The following GOLGA3 variants were observed in gnomAD, a reference collection of about 807,000 sequenced individuals.
The protein encoded by GOLGA3 is golgin A3.
A neutral mutation model predicts 169.4 loss-of-function variants in GOLGA3; 75 were observed. The ratio of observed to expected loss-of-function variants is 0.44; its 90% CI spans 0.37 to 0.54. The LOEUF (loss-of-function observed/expected upper bound fraction) is 0.54. Ranked by LOEUF, GOLGA3 falls within the 20% of genes least tolerant of loss-of-function variation. The pLI is 0.00. For synonymous variants in GOLGA3, 824 were observed against 822.4 expected, an observed-to-expected ratio of 1.00 and a Z score of -0.03; for missense variants, 1,899 against 1,930.0, an observed-to-expected ratio of 0.98 and a Z score of 0.30.
Position 132,807,918 on chromosome 12 carries a change from C to T in GOLGA3, c.1151G>A (p.Arg384Gln), listed in dbSNP as rs200701898. The change falls in exon 5 of 24, where the codon CGG becomes CAG. Residue 384 changes from arginine to glutamine, a missense_variant. Coordinates refer to ENST00000450791, the MANE Select transcript of GOLGA3 (RefSeq NM_001389683.1). ...DQGQEVNGEV[R>Q]SRRDSICSSV... ...GCTGCAGATGCTGTCTCTCCGACTC[C>T]GCACCTCCCCGTTGACCTCCTGCCC... 2.2e-4 allele frequency: 352 copies of T among 1,611,622 alleles called. 4 individuals carry two copies. The East Asian group carries it at 5.6e-3, about 26-fold the overall frequency.
rs185906771 is a variant in GOLGA3 at position 132,797,557 on chromosome 12, A to G, written c.1938+783T>C. ...GAGACCCCGTCTCTACTAAAAATAC[A>G]AAAAATTAGCAGGGTATGGTGACGA... On this transcript the variant is annotated intron_variant, in intron 9 of 23. Coordinates refer to ENST00000450791, the MANE Select transcript of GOLGA3 (RefSeq NM_001389683.1). 4.2e-3 allele frequency among the ~76,000 whole-genome samples: 640 copies of G among 152,288 alleles called. 2 individuals carry two copies. The highest frequency in any genetic ancestry group is 7.4e-3 in the Non-Finnish European group (505 of 68,026).
intron 4 of GOLGA3, among the ~76,000 whole-genome samples, chr12:132,812,808 A>C (rs1949782021): frequency 6.6e-6 from 1 of 152,256 alleles, no homozygotes; most frequent in South Asian, 2.1e-4. Context: ...AAATTACCAC[A>C]GCCCAACCTT....
chr12:132,789,101 G>C lies in GOLGA3; in HGVS notation c.2737C>G (p.Gln913Glu). Residue 913 changes from glutamine to glutamate, a missense_variant, in exon 13 of 24, where the codon CAG becomes GAG. By Grantham distance (29) the Gln-to-Glu change is conservative. Transcript: ENST00000450791. Reference protein sequence around the residue: ...RLHREVAQVRQHMADLEGHLQ... With the variant: ...RLHREVAQVREHMADLEGHLQ... ...TGCCCTTCAAGGTCCGCCATGTGCTGACGGACCTGGGCCACCTCTCTGTGC... is the reference window on the plus strand; with the variant it reads ...TGCCCTTCAAGGTCCGCCATGTGCTCACGGACCTGGGCCACCTCTCTGTGC... 1.2e-6 allele frequency: 2 copies of C among 1,613,246 alleles called. No homozygotes were observed. Among genetic ancestry groups the C allele is most frequent in the Non-Finnish European group, 1.7e-6 (2 of 1,179,904 alleles).
rs148883420 is a variant in GOLGA3 at position 132,775,302 on chromosome 12, C to T, written c.3982G>A (p.Val1328Ile). ...LEGLQQLLQN[V>I]KSELEMAQED... ...TGGGCCATCTCCAACTCAGACTTGA[C>T]GTTCTGTGGAAAATGAAGTCAGATT... Residue 1328 changes from valine (V) to isoleucine (I), a missense_variant, in exon 22 of 24, where the codon GTC becomes ATC. By Grantham distance (29) the Val-to-Ile change is conservative. Coordinates refer to ENST00000450791, the MANE Select transcript of GOLGA3 (RefSeq NM_001389683.1). The T allele has an allele frequency of 2.7e-4, 429 of 1,596,968 alleles. No individual in the cohort carries two copies. Among genetic ancestry groups the T allele is most frequent in the Non-Finnish European group, 3.5e-4 (412 of 1,172,970 alleles).
chr12:132,801,679 C>CT, intron 8 of GOLGA3, 88 bp downstream of exon 8: 1 of 1,331,124 alleles, frequency 7.5e-7, no homozygotes. Flanking sequence ...CCTGTGAACT[C>CT]TAAAAACAGA....
At chr12:132,786,666 A>T (rs774699084) in intron 14 of GOLGA3, 27 bp downstream of exon 14, 5 of 760,198 alleles carry the variant, frequency 6.6e-6, no homozygotes, top group Non-Finnish European at 8.9e-6. Flanking sequence ...TGGCCCCCGC[A>T]CCTCCCCCGG....
At position 132,773,235 on chromosome 12, in the gene GOLGA3, G is replaced by C. The variant is rs748124922; in HGVS notation, c.4367C>G (p.Ser1456Cys). 1 of 1,559,752 alleles carries C rather than the reference G, an allele frequency of 6.4e-7. No homozygotes were observed. The highest frequency in any genetic ancestry group is 2.4e-5 in the East Asian group (1 of 42,090). Residue 1456 changes from serine to cysteine, a missense_variant, in exon 24 of 24, where the codon TCT (serine) becomes TGT (cysteine). Physicochemically the swap from Ser to Cys is moderately radical, Grantham distance 112. Coordinates refer to ENST00000450791, the MANE Select transcript of GOLGA3 (RefSeq NM_001389683.1). Reference sequence around the variant, plus strand: ...CTCCAGCGGCGTCCACGAGGACAGAGACTCGTGCACCGTCAGGGCGTGCTC... The same window carrying C: ...CTCCAGCGGCGTCCACGAGGACAGACACTCGTGCACCGTCAGGGCGTGCTC... Reference protein sequence around the residue: ...MEEHALTVHESLSSWTPLEPA... With the variant: ...MEEHALTVHECLSSWTPLEPA...
chr12:132,785,201 C>T (rs181007030), intron 15 of GOLGA3, among the ~76,000 whole-genome samples: 1 of 152,318 alleles, frequency 6.6e-6, no homozygotes, highest in East Asian at 1.9e-4. Context: ...CAGCTCTGCC[C>T]GGCCTTTGCG....
intron 16 of GOLGA3, 77 bp downstream of exon 16, chr12:132,784,087 G>T: frequency 6.3e-7 from 1 of 1,590,784 alleles, no homozygotes; most frequent in Non-Finnish European, 8.5e-7. Flanking sequence ...TGTTCTTCGG[G>T]TCTCACGCGT....
At chr12:132,784,733 C>T (rs926836251) in intron 15 of GOLGA3, among the ~76,000 whole-genome samples, 11 of 150,166 alleles carry the variant, frequency 7.3e-5, no homozygotes, top group Middle Eastern at 3.5e-3. Flanking sequence ...CGTGCTCACA[C>T]CCCACACGCA....
chr12:132,808,582 T>C (rs779415345), intron 4 of GOLGA3, 33 bp from the exon 5 acceptor site: 34 of 1,519,542 alleles, frequency 2.2e-5, no homozygotes, highest in Non-Finnish European at 2.9e-5. Flanking sequence ...AAAATTACAT[T>C]TAAAATCCAC....
rs976849318 is a variant in GOLGA3, at chr12:132,769,859, C to G, written c.*3246G>C. ...AACAAAATAATTCAAACTTTATGCA[C>G]TGAAGTAACTCTGGAAGGTAGAAGT... On this transcript the variant is annotated 3_prime_UTR_variant, in exon 24 of 24. Transcript: ENST00000450791. The G allele has an allele frequency of 2.0e-5, 3 of 152,196 alleles. No individual in the cohort carries two copies. Among genetic ancestry groups the G allele is most frequent in the Non-Finnish European group, 4.4e-5 (3 of 68,040 alleles). The allele number at this position is 152,196 out of a possible 1,614,324, so 9.4% of individuals were successfully genotyped here.
At position 132,775,258 on chromosome 12, in the gene GOLGA3, G is replaced by C. The variant is rs1208360106; in HGVS notation, c.4026C>G (p.Thr1342=). Residue 1342 remains threonine (T), a synonymous_variant, in exon 22 of 24, where the codon ACC becomes ACG. Transcript: ENST00000450791. ...CCTGGAGCATAAATTTATCCTTCTG[G>C]GTCATGGACAGGTCTTCCTGGGCCA... ...LEMAQEDLSM[T]QKDKFMLQAK... 6.2e-7 allele frequency: 1 copy of C among 1,613,842 alleles called. No individual in the cohort carries two copies. Among genetic ancestry groups the C allele is most frequent in the Non-Finnish European group, 8.5e-7 (1 of 1,179,788 alleles).
chr12:132,796,245 G>A (rs758208738), intron 10 of GOLGA3, 25 bp from the exon 11 acceptor site: 2 of 1,564,414 alleles, frequency 1.3e-6, no homozygotes, highest in South Asian at 2.3e-5. Flanking sequence ...AAGCCCACAT[G>A]GCTGCGCCTG....
intron 13 of GOLGA3, among the ~76,000 whole-genome samples, chr12:132,787,966 G>A (rs1459872714): frequency 2.0e-5 from 3 of 151,496 alleles, no homozygotes; most frequent in South Asian, 2.1e-4. Context: ...ACTGAGGGCC[G>A]CGTCCCCGAC....
At position 132,802,485 on chromosome 12, in the gene GOLGA3, C is replaced by T. The variant is rs746729245; in HGVS notation, c.1598-516G>A. Reference sequence around the variant, plus strand: ...CACCAAAAAAAAAAAATTAGCCAGGCGGGGTGGCATGCATCTGTGGTCCCA... The same window carrying T: ...CACCAAAAAAAAAAAATTAGCCAGGTGGGGTGGCATGCATCTGTGGTCCCA... On this transcript the variant is annotated intron_variant, in intron 7 of 23. Coordinates refer to ENST00000450791, the MANE Select transcript of GOLGA3 (RefSeq NM_001389683.1). Among the ~76,000 whole-genome samples the T allele has an allele frequency of 5.9e-5, 9 of 151,926 alleles. No homozygotes were observed. The East Asian group carries it at 1.2e-3, about 20-fold the overall frequency.
intron 2 of GOLGA3, 138 bp downstream of exon 2, chr12:132,821,853 CAAAAA>C (rs11301977): frequency 1.5e-3 from 573 of 392,078 alleles, no homozygotes; most frequent in East Asian, 2.2e-3. Context: ...GACTCCGTCT[CAAAAA>C]AAAAAAAAAA....
At chr12:132,809,905 T>C (rs1949618657) in intron 4 of GOLGA3, among the ~76,000 whole-genome samples, 2 of 152,006 alleles carry the variant, frequency 1.3e-5, no homozygotes, top group South Asian at 2.1e-4. Context: ...AACAGAACTT[T>C]CCTGGCTACT....
intron 18 of GOLGA3, 85 bp downstream of exon 18, chr12:132,780,713 G>A (rs769100614): frequency 2.9e-5 from 24 of 833,242 alleles, no homozygotes; most frequent in Non-Finnish European, 4.5e-5. Context: ...GCTGGAAGGA[G>A]GCTGGTGTGT....
Sources: gnomAD v4.1 joint callset for allele counts (sites outside exome capture counted in the v4.1 genomes callset) on GRCh38, gnomAD v4.1.1 for gene constraint, MANE v1.5 for transcripts, NCBI Gene and HGNC (gene_info 2026-07-23, HGNC 2026-07-21) for gene names.